Variants in CSTPP1 observed in about 807,000 individuals in gnomAD.
CSTPP1 encodes the protein centriolar satellite-associated tubulin polyglutamylase complex regulator 1, also known as UPF0705 protein C11orf49.
the CSTPP1 span, among the ~76,000 whole-genome samples, chr11:46,974,503 GGCAAA>G: frequency 2.1e-5 from 3 of 146,286 alleles, no homozygotes; most frequent in Non-Finnish European, 4.5e-5. Context: ...CTCCAGCCTG[GGCAAA>G]AGAGCGAGAC....
the CSTPP1 span, among the ~76,000 whole-genome samples, chr11:47,125,705 G>C: frequency 6.6e-6 from 1 of 152,086 alleles, no homozygotes; most frequent in Non-Finnish European, 1.5e-5. Flanking sequence ...TGATAAGCCT[G>C]ATTTTAAATT....
the CSTPP1 span, among the ~76,000 whole-genome samples, chr11:47,097,679 T>TG: frequency 8.5e-4 from 17 of 19,938 alleles, no homozygotes; most frequent in African/African-American, 2.2e-3. Context: ...GGGAGGGAGG[T>TG]GGGGGGGGGT....
the CSTPP1 span, among the ~76,000 whole-genome samples, chr11:46,985,766 T>G: frequency 6.6e-6 from 1 of 152,220 alleles, no homozygotes. Context: ...TTTACCTGTA[T>G]TATCTTATTT....
chr11:46,948,293 A>G, the CSTPP1 span: 1 of 384,194 alleles, frequency 2.6e-6, no homozygotes, highest in Non-Finnish European at 5.1e-6. Flanking sequence ...AGTTTTTCAG[A>G]AAGGAGAGAT....
At chr11:47,115,258 T>C in the CSTPP1 span, among the ~76,000 whole-genome samples, 2 of 152,174 alleles carry the variant, frequency 1.3e-5, no homozygotes, top group African/African-American at 2.4e-5. Flanking sequence ...ATTTTTGCAT[T>C]GAAGTTCATC....
chr11:47,049,647 A>G, the CSTPP1 span, among the ~76,000 whole-genome samples: 1 of 151,792 alleles, frequency 6.6e-6, no homozygotes. Flanking sequence ...TCTGGGGAAA[A>G]ACAATGTAGA....
At chr11:46,981,092 T>C in the CSTPP1 span, among the ~76,000 whole-genome samples, 1 of 152,094 alleles carries the variant, frequency 6.6e-6, no homozygotes, top group Non-Finnish European at 1.5e-5. Context: ...CTTGCACATA[T>C]ATACAAGGAA....
At chr11:46,969,224 G>A in the CSTPP1 span, among the ~76,000 whole-genome samples, 1 of 152,138 alleles carries the variant, frequency 6.6e-6, no homozygotes, top group Non-Finnish European at 1.5e-5. Flanking sequence ...TATGTGTAAG[G>A]CAGAATACAA....
chr11:47,119,726 C>G, the CSTPP1 span, among the ~76,000 whole-genome samples: 1 of 151,304 alleles, frequency 6.6e-6, no homozygotes, highest in Non-Finnish European at 1.5e-5. Context: ...ATTCTCCTGC[C>G]TCAGCCTCCC....
At chr11:46,984,527 ATTTC>A in the CSTPP1 span, among the ~76,000 whole-genome samples, 1 of 152,030 alleles carries the variant, frequency 6.6e-6, no homozygotes, top group South Asian at 2.1e-4. Flanking sequence ...GGTCCAATAT[ATTTC>A]TTTCTTTCCT....
the CSTPP1 span, among the ~76,000 whole-genome samples, chr11:46,978,330 A>G: frequency 1.3e-5 from 2 of 152,218 alleles, no homozygotes; most frequent in South Asian, 2.1e-4. Flanking sequence ...GGACAGAATC[A>G]GGGAAAGGTT....
the CSTPP1 span, among the ~76,000 whole-genome samples, chr11:47,074,071 G>A: frequency 6.6e-6 from 1 of 152,146 alleles, no homozygotes; most frequent in Non-Finnish European, 1.5e-5. Flanking sequence ...GAACGTGGTG[G>A]TGCACACCTG....
At chr11:46,955,530 A>AT in the CSTPP1 span, among the ~76,000 whole-genome samples, 1 of 151,552 alleles carries the variant, frequency 6.6e-6, no homozygotes, top group African/African-American at 2.4e-5. Context: ...CACCTGGCTA[A>AT]TTTTTTTGTA....
the CSTPP1 span, among the ~76,000 whole-genome samples, chr11:47,013,157 A>G: frequency 6.7e-6 from 1 of 148,164 alleles, no homozygotes; most frequent in East Asian, 1.9e-4. Flanking sequence ...GTAGTTATAT[A>G]TAAATGGTTA....
chr11:47,013,006 T>TATA, the CSTPP1 span, among the ~76,000 whole-genome samples: 409 of 146,160 alleles, frequency 2.8e-3, 4 homozygotes, highest in Non-Finnish European at 2.5e-3. Context: ...TATATATATA[T>TATA]TTTATTATAT....
At chr11:46,998,297 A>G in the CSTPP1 span, among the ~76,000 whole-genome samples, 2 of 152,182 alleles carry the variant, frequency 1.3e-5, no homozygotes, top group South Asian at 2.1e-4. Flanking sequence ...TGTGTAGCCA[A>G]TGCTGAGCTG....
the CSTPP1 span, chr11:47,157,005 C>A: frequency 4.3e-6 from 7 of 1,612,948 alleles, no homozygotes; most frequent in East Asian, 2.2e-5. Flanking sequence ...ACCCACACCC[C>A]CACCCCCACG....
At chr11:47,001,518 TC>T in the CSTPP1 span, among the ~76,000 whole-genome samples, 1 of 152,166 alleles carries the variant, frequency 6.6e-6, no homozygotes, top group East Asian at 1.9e-4. Flanking sequence ...GTTTTTTTTT[TC>T]TTTTTTCTTT....
At chr11:47,093,505 A>G in the CSTPP1 span, among the ~76,000 whole-genome samples, 1 of 152,234 alleles carries the variant, frequency 6.6e-6, no homozygotes, top group Non-Finnish European at 1.5e-5. Context: ...CTTCGGCCAC[A>G]TGGAGCTTAC....
Sources: gnomAD v4.1 joint callset for allele counts (sites outside exome capture counted in the v4.1 genomes callset) on GRCh38, gnomAD v4.1.1 for gene constraint, MANE v1.5 for transcripts, NCBI Gene and HGNC (gene_info 2026-07-23, HGNC 2026-07-21) for gene names.